PCDHGC3: variants seen among roughly 807,000 people sequenced by gnomAD.
PCDHGC3 encodes protocadherin gamma-C3.
A neutral mutation model predicts 59.2 loss-of-function variants in PCDHGC3; 26 were observed. The observed-to-expected ratio is 0.44, with a 90% CI of 0.32 to 0.61. PCDHGC3 has a LOEUF of 0.61. Among genes scored for constraint, PCDHGC3 ranks in the 20% least tolerant of loss-of-function variants. PCDHGC3 has a pLI of 0.05. For missense variants in PCDHGC3, 1,080 were observed against 1,221.8 expected (o/e 0.88, Z 1.73); for synonymous variants, 487 against 519.7 (o/e 0.94, Z 0.86).
Position 141,476,962 on chromosome 5 carries a change from C to T in PCDHGC3, c.846C>T (p.Ser282=). The stretch of plus-strand genomic sequence containing the variant: ...GCCCCAACGGTGAAATTATTTACTC[C>T]TTCGGCAGCCACAACCGCGCCGGCG... ...DEGPNGEIIY[S]FGSHNRAGVR... is the part of the protein sequence containing the mutation. Residue 282 remains serine (S), a synonymous_variant, in exon 1 of 4, where the codon TCC becomes TCT. Coordinates refer to ENST00000308177, the MANE Select transcript of PCDHGC3 (RefSeq NM_002588.4). The surrounding 1 kb of genome is among the most constrained non-coding windows in gnomAD (Gnocchi z 7.6). 6.2e-7 allele frequency: 1 copy of T among 1,614,200 alleles called. No homozygotes were observed. Among genetic ancestry groups the T allele is most frequent in the South Asian group, 1.1e-5 (1 of 91,090 alleles).
rs1229623400 is a variant in PCDHGC3, at chr5:141,505,984, T to A, written c.2578+503T>A. 4.6e-5 allele frequency among the ~76,000 whole-genome samples: 7 copies of A among 152,198 alleles called. No homozygotes were observed. In the East Asian group the frequency reaches 1.4e-3, roughly 30 times the overall value. On this transcript the variant is annotated intron_variant, in intron 3 of 3. Coordinates refer to ENST00000308177, the MANE Select transcript of PCDHGC3 (RefSeq NM_002588.4). ...AGAAATCCCCAGCCGAGAGAACACC[T>A]CCTCTTTATGCGAGGCTCCTCTTTT...
chr5:141,481,780 C>T (rs781334437), intron 1 of PCDHGC3, among the ~76,000 whole-genome samples: 3 of 152,016 alleles, frequency 2.0e-5, no homozygotes, highest in African/African-American at 7.2e-5. Flanking sequence ...GGTGAAACCC[C>T]GTCTCTACTA....
Position 141,501,290 on chromosome 5 carries a change from TACACACAC to T in PCDHGC3, c.2490-4066_2490-4059del, listed in dbSNP as rs55762287. 3.7e-3 allele frequency among the ~76,000 whole-genome samples: 499 copies of T among 136,222 alleles called. 2 individuals carry two copies. Among genetic ancestry groups the T allele is most frequent in the Middle Eastern group, 0.033 (9 of 270 alleles). 89.4% of individuals were successfully genotyped at this position (136,222 alleles called of 152,430 possible). On this transcript the variant is annotated intron_variant, in intron 2 of 3. Transcript: ENST00000308177. ...GTCCAGTCTATGGGATATTCCCTTA[TACACACAC>T]ACACACACACACACACACACACACA... is the stretch of plus-strand genomic sequence containing the variant.
Position 141,490,924 on chromosome 5 carries a change from C to G in PCDHGC3, c.2431-3883C>G, listed in dbSNP as rs1469202824. The G allele has an allele frequency of 1.9e-6, 3 of 1,613,562 alleles. No individual in the cohort carries two copies. The highest frequency in any genetic ancestry group is 2.5e-6 in the Non-Finnish European group (3 of 1,179,702). ...TGTCCTAGACGAGAATGATAATGCC[C>G]CAGCTGTGCTGCACCCACGGCCAGA... On this transcript the variant is annotated intron_variant, in intron 1 of 3. Transcript: ENST00000308177. The surrounding 1 kb of genome is among the most constrained non-coding windows in gnomAD (Gnocchi z 5.4).
At chr5:141,503,263 C>T (rs2099818883) in intron 2 of PCDHGC3, among the ~76,000 whole-genome samples, 2 of 152,212 alleles carry the variant, frequency 1.3e-5, no homozygotes, top group South Asian at 4.2e-4. Context: ...GCCACAACCC[C>T]AGCACCTGGC....
At position 141,486,765 on chromosome 5, in the gene PCDHGC3, T is replaced by C; in HGVS notation, c.2431-8042T>C. On this transcript the variant is annotated intron_variant, in intron 1 of 3. Transcript: ENST00000308177. This position sits in a 1 kb window ranked among gnomAD's most constrained non-coding sequence, Gnocchi z 5.0. ...TTTGACTATGAGCAAACCCAGACACTGCAGTTTGAGGTGCAGGCCCGGGAT... is the reference window on the plus strand; with the variant it reads ...TTTGACTATGAGCAAACCCAGACACCGCAGTTTGAGGTGCAGGCCCGGGAT... 4 of 1,614,230 alleles carry C rather than the reference T, an allele frequency of 2.5e-6. No individual in the cohort carries two copies. Among genetic ancestry groups the C allele is most frequent in the Non-Finnish European group, 3.4e-6 (4 of 1,180,038 alleles).
At chr5:141,509,599 A>G (rs964564148) in intron 3 of PCDHGC3, among the ~76,000 whole-genome samples, 6 of 152,158 alleles carry the variant, frequency 3.9e-5, no homozygotes, top group African/African-American at 1.4e-4. Context: ...CAATTCCGAG[A>G]GGCTGCATTC....
At chr5:141,497,203 G>C (rs750138875) in intron 2 of PCDHGC3, among the ~76,000 whole-genome samples, 3 of 91,718 alleles carry the variant, frequency 3.3e-5, no homozygotes, top group African/African-American at 2.8e-4. Flanking sequence ...AACAATGTGA[G>C]TGTAATGGGG....
chr5:141,501,635 T>G (rs553343946), intron 2 of PCDHGC3, among the ~76,000 whole-genome samples: 1 of 152,236 alleles, frequency 6.6e-6, no homozygotes, highest in African/African-American at 2.4e-5. Flanking sequence ...TCTCAACCTC[T>G]CTGAGCCCTG....
intron 2 of PCDHGC3, among the ~76,000 whole-genome samples, chr5:141,495,702 T>G (rs1462896403): frequency 6.6e-6 from 1 of 152,212 alleles, no homozygotes; most frequent in African/African-American, 2.4e-5. Context: ...TCAATAAATG[T>G]GGAGTGAGTA....
chr5:141,490,793 C>T lies in PCDHGC3; in HGVS notation c.2431-4014C>T, dbSNP rs2233608. 6 of 1,613,812 alleles carry T rather than the reference C, an allele frequency of 3.7e-6. No homozygotes were observed. The East Asian group carries it at 1.3e-4, about 36-fold the overall frequency. On this transcript the variant is annotated intron_variant, in intron 1 of 3. Transcript: ENST00000308177. This position sits in a 1 kb window ranked among gnomAD's most constrained non-coding sequence, Gnocchi z 5.4. Reference sequence around the variant, plus strand: ...AACCCAGAGGATGGACGGATCTTTGCCCAGCGTACCTTTGACTATGAATTG... The same window carrying T: ...AACCCAGAGGATGGACGGATCTTTGTCCAGCGTACCTTTGACTATGAATTG...
rs771411620 is a variant in PCDHGC3, at chr5:141,485,551, G to A, written c.2430+7005G>A. ...GAGCAGAGGTAGAGATCGTAGATGT[G>A]AATGATCACGCCCCCCGTTTTCCGC... On this transcript the variant is annotated intron_variant, in intron 1 of 3. Transcript: ENST00000308177. This position sits in a 1 kb window ranked among gnomAD's most constrained non-coding sequence, Gnocchi z 5.7. 1.9e-6 allele frequency: 3 copies of A among 1,613,958 alleles called. No individual in the cohort carries two copies. Among genetic ancestry groups the A allele is most frequent in the Admixed American group, 1.7e-5 (1 of 60,006 alleles).
At chr5:141,498,971 G>GGGAGGGAAGGAAGGAA (rs2099787588) in intron 2 of PCDHGC3, among the ~76,000 whole-genome samples, 1 of 110,970 alleles carries the variant, frequency 9.0e-6, no homozygotes, top group African/African-American at 3.6e-5. Flanking sequence ...GAGGGAGGGA[G>GGGAGGGAAGGAAGGAA]GGAAGGAAGG....
At position 141,511,345 on chromosome 5, in the gene PCDHGC3, T is replaced by A; in HGVS notation, c.*172T>A. The A allele has an allele frequency of 7.8e-6, 11 of 1,410,508 alleles. No individual in the cohort carries two copies. The highest frequency in any genetic ancestry group is 1.0e-5 in the Non-Finnish European group (11 of 1,060,682). 87.4% of individuals were successfully genotyped at this position (1,410,508 alleles called of 1,614,324 possible). ...AAGTGCCCAGTCAGCACCTACCCCT[T>A]CCCCCCCAGGGGGTTGAATATGCAA... On this transcript the variant is annotated 3_prime_UTR_variant, in exon 4 of 4. Transcript: ENST00000308177.
intron 2 of PCDHGC3, among the ~76,000 whole-genome samples, chr5:141,503,780 T>G (rs779791247): frequency 7.2e-5 from 11 of 152,124 alleles, no homozygotes; most frequent in Non-Finnish European, 1.3e-4. Flanking sequence ...GTTCTTAGGC[T>G]GAGTTCATCT....
chr5:141,480,533 G>A (rs2099521308), intron 1 of PCDHGC3, among the ~76,000 whole-genome samples: 1 of 127,758 alleles, frequency 7.8e-6, no homozygotes, highest in African/African-American at 3.6e-5. Flanking sequence ...CAAAGTAGAA[G>A]CACATATGAA....
At position 141,477,498 on chromosome 5, in the gene PCDHGC3, C is replaced by T. The variant is rs754212608; in HGVS notation, c.1382C>T (p.Ser461Phe). ...AACCCTCCACAATCTTCTCAATCTT[C>T]CTACGACGTTTACATTGAAGAAAAC... ...NDNPPQSSQS[S>F]YDVYIEENNL... Residue 461 changes from serine (S) to phenylalanine (F), a missense_variant, in exon 1 of 4, where the codon TCC (serine) becomes TTC (phenylalanine). Coordinates refer to ENST00000308177, the MANE Select transcript of PCDHGC3 (RefSeq NM_002588.4). The surrounding 1 kb of genome is among the most constrained non-coding windows in gnomAD (Gnocchi z 4.9). 3.7e-6 allele frequency: 6 copies of T among 1,614,038 alleles called. No individual in the cohort carries two copies. The highest frequency in any genetic ancestry group is 5.1e-6 in the Non-Finnish European group (6 of 1,180,038).
rs758066525 is a variant in PCDHGC3, at chr5:141,477,331, T to C, written c.1215T>C (p.Asn405=). The C allele has an allele frequency of 7.4e-6, 12 of 1,614,024 alleles. No individual in the cohort carries two copies. In the East Asian group the frequency reaches 1.1e-4, roughly 15 times the overall value. Reference sequence around the variant, plus strand: ...TCAGCCTTACTTCTTCCCTCAAGAATTACTTCACTTTGAAAACCAGTGCAG... The same window carrying C: ...TCAGCCTTACTTCTTCCCTCAAGAACTACTTCACTTTGAAAACCAGTGCAG... ...LPFSLTSSLK[N]YFTLKTSADL... The change falls in exon 1 of 4, where the codon AAT becomes AAC. Residue 405 remains asparagine, a synonymous_variant. Coordinates refer to ENST00000308177, the MANE Select transcript of PCDHGC3 (RefSeq NM_002588.4). This position sits in a 1 kb window ranked among gnomAD's most constrained non-coding sequence, Gnocchi z 4.9.
chr5:141,502,785 A>G (rs576095718), intron 2 of PCDHGC3, among the ~76,000 whole-genome samples: 2 of 150,900 alleles, frequency 1.3e-5, no homozygotes, highest in East Asian at 3.9e-4. Context: ...AATTACCTGG[A>G]TGATTTCTTC....
Sources: gnomAD v4.1 joint callset for allele counts (sites outside exome capture counted in the v4.1 genomes callset) on GRCh38, gnomAD v4.1.1 for gene constraint, Gnocchi (gnomAD v3.1) non-coding constraint, MANE v1.5 for transcripts, NCBI Gene and HGNC (gene_info 2026-07-23, HGNC 2026-07-21) for gene names.